The following SLC8A1 variants were observed in gnomAD, a reference collection of about 807,000 sequenced individuals.
SLC8A1 encodes sodium/calcium exchanger 1.
SLC8A1 carries 18 observed loss-of-function variants against 68.3 expected under a neutral mutation model. The observed-to-expected ratio is 0.26, with a 90% CI of 0.18 to 0.39. The LOEUF is 0.39. Among genes scored for constraint, SLC8A1 ranks in the 10% least tolerant of loss-of-function variants. The pLI, the probability that SLC8A1 is intolerant of heterozygous loss-of-function variation, is 1.00. For missense variants in SLC8A1, 985 were observed against 1,156.7 expected, an observed-to-expected ratio of 0.85 and a Z score of 2.15; for synonymous variants, 475 against 415.5, an observed-to-expected ratio of 1.14 and a Z score of -1.74.
chr2:40,170,297 A>G (rs747774962), intron 4 of SLC8A1: 2 of 1,614,080 alleles, frequency 1.2e-6, no homozygotes, highest in Non-Finnish European at 1.7e-6. Flanking sequence ...TGGTGATTAC[A>G]GTAGAGAGAA....
exon 2 of SLC8A1, chr2:40,428,776 G>A (rs1289944344): frequency 1.9e-6 from 3 of 1,613,838 alleles, no homozygotes; most frequent in Non-Finnish European, 1.7e-6. Context: ...TGAAGCTTCA[G>A]AAGATACTTT....
chr2:40,183,916 G>A (rs1332856950), intron 2 of SLC8A1, among the ~76,000 whole-genome samples: 2 of 152,162 alleles, frequency 1.3e-5, no homozygotes. Flanking sequence ...AGCACTTTGA[G>A]AGATCGAGGT....
At chr2:40,357,334 AT>A (rs200240458) in intron 2 of SLC8A1, among the ~76,000 whole-genome samples, 81 of 146,110 alleles carry the variant, frequency 5.5e-4, no homozygotes, top group African/African-American at 9.3e-4. Context: ...TCTACAAAAC[AT>A]TTTTTTTTTT....
chr2:40,199,853 C>T (rs1289118912), intron 2 of SLC8A1, among the ~76,000 whole-genome samples: 1 of 151,480 alleles, frequency 6.6e-6, no homozygotes, highest in African/African-American at 2.4e-5. Flanking sequence ...AGAAAGATTG[C>T]TCATCAGTGG....
intron 2 of SLC8A1, among the ~76,000 whole-genome samples, chr2:40,305,077 T>C (rs866114913): frequency 6.6e-6 from 1 of 152,222 alleles, no homozygotes; most frequent in Non-Finnish European, 1.5e-5. Context: ...TCCCAGGTGA[T>C]AGCCATTCTG....
At chr2:40,225,953 A>G (rs950326138) in intron 2 of SLC8A1, among the ~76,000 whole-genome samples, 4 of 152,192 alleles carry the variant, frequency 2.6e-5, no homozygotes, top group African/African-American at 9.7e-5. Context: ...ATGCTTTTAC[A>G]TAATTGGTGA....
At chr2:40,369,668 C>T (rs1039436556) in intron 2 of SLC8A1, among the ~76,000 whole-genome samples, 10 of 151,988 alleles carry the variant, frequency 6.6e-5, no homozygotes, top group African/African-American at 2.2e-4. Context: ...GTACCAATAC[C>T]ATGGAGTACG....
chr2:40,393,830 A>C (rs1686046603), intron 2 of SLC8A1, among the ~76,000 whole-genome samples: 1 of 152,086 alleles, frequency 6.6e-6, no homozygotes, highest in Non-Finnish European at 1.5e-5. Context: ...TCATAACCTA[A>C]ATCACCCAAT....
rs566559881 is a variant in SLC8A1, at chr2:40,427,535, CAT to C, written c.1808+936_1808+937del. Among the ~76,000 whole-genome samples, 31 of 151,798 alleles carry C rather than the reference CAT, an allele frequency of 2.0e-4. No homozygotes were observed. In the South Asian group the frequency reaches 3.2e-3, roughly 15 times the overall value. ...CCCTCCTTTCCCCCCAGAAATTGTT[CAT>C]AGAGTCAAATTTTCTGGTTTGCTTT... On this transcript the variant is annotated intron_variant, in intron 2 of 7. Transcript: ENST00000406785.
chr2:40,195,549 A>G (rs960907257), intron 2 of SLC8A1, among the ~76,000 whole-genome samples: 3 of 152,098 alleles, frequency 2.0e-5, no homozygotes, highest in Non-Finnish European at 2.9e-5. Context: ...CTTCTGTATG[A>G]CTATATCTTT....
intron 2 of SLC8A1, among the ~76,000 whole-genome samples, chr2:40,282,082 T>A (rs542740650): frequency 6.6e-6 from 1 of 152,304 alleles, no homozygotes; most frequent in East Asian, 1.9e-4. Context: ...GTGTATCAAA[T>A]TGTGTCCTCT....
chr2:40,201,851 A>T (rs1000791708), intron 2 of SLC8A1, among the ~76,000 whole-genome samples: 2 of 151,990 alleles, frequency 1.3e-5, no homozygotes, highest in South Asian at 4.1e-4. Context: ...TCAGGAGGTC[A>T]TAACACAAAC....
At chr2:40,186,931 C>A (rs1228414379) in intron 2 of SLC8A1, among the ~76,000 whole-genome samples, 1 of 152,096 alleles carries the variant, frequency 6.6e-6, no homozygotes, top group Admixed American at 6.5e-5. Flanking sequence ...ATATTGCATG[C>A]AAAAATTATT....
At chr2:40,257,414 T>TG (rs1350646370) in intron 2 of SLC8A1, among the ~76,000 whole-genome samples, 2 of 151,330 alleles carry the variant, frequency 1.3e-5, no homozygotes, top group Admixed American at 1.3e-4. Context: ...GGAAATTAGC[T>TG]GTTTACCACC....
intron 1 of SLC8A1, among the ~76,000 whole-genome samples, chr2:40,472,426 G>T (rs116392096): frequency 0.034 from 5,174 of 152,166 alleles, 204 homozygotes; most frequent in Admixed American, 0.1. Context: ...TGAATTTTTA[G>T]AATTGTTTGC....
rs182706840 is a variant in SLC8A1, at chr2:40,185,709, A to C, written c.1809-7854T>G. ...TTGCACAATTCTGAGGACATATAAA[A>C]ACCCAACTAATTGTATATTTTAAAT... On this transcript the variant is annotated intron_variant, in intron 2 of 7. Coordinates refer to ENST00000406785, the Ensembl canonical transcript of SLC8A1. 5.3e-4 allele frequency among the ~76,000 whole-genome samples: 80 copies of C among 152,288 alleles called. 1 individual carries two copies. Among genetic ancestry groups the C allele is most frequent in the African/African-American group, 1.8e-3 (74 of 41,564 alleles).
At chr2:40,255,307 A>G (rs1333857895) in intron 2 of SLC8A1, 1 of 152,124 alleles carries the variant, frequency 6.6e-6, no homozygotes, top group Non-Finnish European at 1.5e-5. Flanking sequence ...GCAGAAAACC[A>G]GCTGGAGATG....
intron 2 of SLC8A1, among the ~76,000 whole-genome samples, chr2:40,425,326 G>T (rs1696569781): frequency 6.7e-6 from 1 of 148,594 alleles, no homozygotes; most frequent in African/African-American, 2.5e-5. Flanking sequence ...AAATTTAAAT[G>T]ACTATTTCTA....
In SLC8A1 at chr2:40,177,902, G is replaced by A. The variant is rs768463208; in HGVS notation, c.1809-47C>T. The A allele has an allele frequency of 1.7e-5, 21 of 1,243,232 alleles. 1 individual carries two copies. Among genetic ancestry groups the A allele is most frequent in the South Asian group, 1.2e-4 (9 of 77,568 alleles). 77.0% of individuals were successfully genotyped at this position (1,243,232 alleles called of 1,614,324 possible). A position where few individuals can be genotyped will look rare whatever the true frequency, so the allele number is the denominator to read the frequency against. On this transcript the variant is annotated intron_variant, in intron 2 of 7. Transcript: ENST00000406785. The stretch of plus-strand genomic sequence containing the variant: ...GCAAAACAAATGGTTGGAGTCACAC[G>A]CTCATGCTCTTGGTGTCCACCAAGC...
Sources: gnomAD v4.1 joint callset for allele counts (sites outside exome capture counted in the v4.1 genomes callset) on GRCh38, gnomAD v4.1.1 for gene constraint, MANE v1.5 for transcripts, NCBI Gene and HGNC (gene_info 2026-07-23, HGNC 2026-07-21) for gene names.